KDM2A: variants seen among roughly 807,000 people sequenced by gnomAD.
The protein encoded by KDM2A is lysine-specific demethylase 2A.
In KDM2A, 3 loss-of-function variants were observed where a neutral mutation model predicts 137.3. That is an observed-to-expected ratio of 0.02 (90% CI 0.01 to 0.06). KDM2A has a LOEUF of 0.06. Among genes scored for constraint, KDM2A ranks in the 10% least tolerant of loss-of-function variants. The pLI, the probability that KDM2A is intolerant of heterozygous loss-of-function variation, is 1.00. For missense variants in KDM2A, 738 were observed against 1,510.6 expected (o/e 0.49, Z 8.48); for synonymous variants, 512 against 541.5 (o/e 0.95, Z 0.76).
At chr11:67,159,393 A>G (rs1856587848) in intron 2 of KDM2A, among the ~76,000 whole-genome samples, 1 of 152,054 alleles carries the variant, frequency 6.6e-6, no homozygotes, top group Admixed American at 6.6e-5. Context: ...TTCTCATTGT[A>G]TAGATTAATT....
intron 5 of KDM2A, among the ~76,000 whole-genome samples, chr11:67,189,452 A>G (rs1234735767): frequency 2.0e-5 from 3 of 152,226 alleles, no homozygotes; most frequent in Admixed American, 6.5e-5. Flanking sequence ...CACTGATTGC[A>G]GTAGCATGTG....
At chr11:67,234,644 A>G (rs553160156) in intron 12 of KDM2A, among the ~76,000 whole-genome samples, 1 of 152,336 alleles carries the variant, frequency 6.6e-6, no homozygotes, top group Admixed American at 6.5e-5. Flanking sequence ...AGACGCAGGC[A>G]GATCTCTTGA....
At chr11:67,200,255 G>A (rs1335823568) in intron 5 of KDM2A, among the ~76,000 whole-genome samples, 1 of 151,292 alleles carries the variant, frequency 6.6e-6, no homozygotes, top group Non-Finnish European at 1.5e-5. Flanking sequence ...TCTCTCTGTT[G>A]CCCAGGCTGG....
intron 11 of KDM2A, 24 bp downstream of exon 11, chr11:67,228,187 T>G: frequency 6.2e-7 from 1 of 1,611,916 alleles, no homozygotes; most frequent in Non-Finnish European, 8.5e-7. Context: ...CTATAGGAGC[T>G]TTGAAGACAC....
chr11:67,147,550 A>T (rs928098271), intron 2 of KDM2A, among the ~76,000 whole-genome samples: 5 of 151,810 alleles, frequency 3.3e-5, no homozygotes, highest in Non-Finnish European at 7.4e-5. Flanking sequence ...TTAAAAAAAA[A>T]AAAAAGATGC....
chr11:67,141,603 C>G (rs1471782996), intron 2 of KDM2A, among the ~76,000 whole-genome samples: 2 of 139,820 alleles, frequency 1.4e-5, no homozygotes, highest in South Asian at 4.4e-4. Context: ...GGAGGCAGAG[C>G]TTGCAGTGAG....
At chr11:67,242,591 T>G (rs1565421546) in intron 12 of KDM2A, among the ~76,000 whole-genome samples, 1 of 152,230 alleles carries the variant, frequency 6.6e-6, no homozygotes, top group Non-Finnish European at 1.5e-5. Flanking sequence ...GTTAGTTGTT[T>G]CAGTGTGTTA....
chr11:67,206,801 A>G lies in KDM2A; in HGVS notation c.308-709A>G, dbSNP rs140984427. On this transcript the variant is annotated intron_variant, in intron 5 of 20. Transcript: ENST00000529006. ...AAGCTATTGTTTTCTCTCCACTACT[A>G]TTTTATGCTGACTCTTGTGGCCTTA... Among the ~76,000 whole-genome samples the G allele has an allele frequency of 7.5e-4, 114 of 152,288 alleles. 1 individual carries two copies. Among genetic ancestry groups the G allele is most frequent in the South Asian group, 6.2e-3 (30 of 4,830 alleles).
chr11:67,121,812 A>C (rs1321764584), intron 2 of KDM2A, among the ~76,000 whole-genome samples: 2 of 152,216 alleles, frequency 1.3e-5, no homozygotes, highest in East Asian at 1.9e-4. Flanking sequence ...ATTTTCTTTT[A>C]TTTTATAAAT....
At chr11:67,168,816 ATATGT>A (rs1406540974) in intron 2 of KDM2A, among the ~76,000 whole-genome samples, 1 of 152,148 alleles carries the variant, frequency 6.6e-6, no homozygotes, top group Non-Finnish European at 1.5e-5. Flanking sequence ...GTATGCATTC[ATATGT>A]TGTGGGAGAG....
At chr11:67,123,983 G>A (rs536392650) in intron 2 of KDM2A, among the ~76,000 whole-genome samples, 2 of 151,140 alleles carry the variant, frequency 1.3e-5, no homozygotes, top group South Asian at 4.2e-4. Flanking sequence ...GGACTTTTGG[G>A]TTTTGTTGTT....
chr11:67,144,464 C>G (rs1856197281), intron 2 of KDM2A, among the ~76,000 whole-genome samples: 1 of 151,878 alleles, frequency 6.6e-6, no homozygotes, highest in African/African-American at 2.4e-5. Flanking sequence ...GTTGGTCAGG[C>G]TGGTCTTGAA....
At position 67,254,802 on chromosome 11, in the gene KDM2A, G is replaced by T. The variant is rs1025377756; in HGVS notation, c.3308-72G>T. The T allele has an allele frequency of 2.2e-6, 3 of 1,383,024 alleles. No individual in the cohort carries two copies. Among genetic ancestry groups the T allele is most frequent in the Non-Finnish European group, 3.0e-6 (3 of 987,038 alleles). 85.7% of individuals were successfully genotyped at this position (1,383,024 alleles called of 1,614,324 possible). ...TGTTTAGCATTTTGAAGGAAAGACG[G>T]CTACAGGAATTGAATGGCAGAGGAA... On this transcript the variant is annotated intron_variant, in intron 20 of 20. Transcript: ENST00000529006. The surrounding 1 kb of genome is among the most constrained non-coding windows in gnomAD (Gnocchi z 4.7).
At chr11:67,247,930 C>G (rs1859299634) in intron 15 of KDM2A, among the ~76,000 whole-genome samples, 1 of 152,200 alleles carries the variant, frequency 6.6e-6, no homozygotes, top group African/African-American at 2.4e-5. Flanking sequence ...ATCTTCACCA[C>G]AACCCTATAA....
chr11:67,138,829 G>A (rs1036929056), intron 2 of KDM2A, among the ~76,000 whole-genome samples: 3 of 152,124 alleles, frequency 2.0e-5, no homozygotes, highest in African/African-American at 7.2e-5. Flanking sequence ...TAGTTCTCCA[G>A]GTGATTCTGA....
intron 2 of KDM2A, among the ~76,000 whole-genome samples, chr11:67,171,217 T>G (rs1856876102): frequency 6.6e-6 from 1 of 152,160 alleles, no homozygotes; most frequent in African/African-American, 2.4e-5. Context: ...GAGAGGAAGA[T>G]GTGGAAAGCC....
chr11:67,215,018 TAAAAC>T (rs1052722198), intron 6 of KDM2A, among the ~76,000 whole-genome samples: 18 of 152,270 alleles, frequency 1.2e-4, no homozygotes, highest in African/African-American at 3.6e-4. Context: ...GATTAAAAAA[TAAAAC>T]AAATTATATA....
chr11:67,255,837 A>G lies in KDM2A; in HGVS notation c.*782A>G, dbSNP rs932428349. ...TTGCTACCCAAGTGGATTCTGAGACAGGCACCATCTCCTTGTTCCCCCTCT... is the reference window on the plus strand; with the variant it reads ...TTGCTACCCAAGTGGATTCTGAGACGGGCACCATCTCCTTGTTCCCCCTCT... On this transcript the variant is annotated 3_prime_UTR_variant, in exon 21 of 21. Transcript: ENST00000529006. The G allele has an allele frequency of 2.2e-5, 6 of 278,632 alleles. No individual in the cohort carries two copies. The highest frequency in any genetic ancestry group is 7.2e-6 in the Non-Finnish European group (1 of 138,824). The allele number at this position is 278,632 out of a possible 1,614,324, so 17.3% of individuals were successfully genotyped here. A position where few individuals can be genotyped will look rare whatever the true frequency, so the allele number is the denominator to read the frequency against.
chr11:67,198,989 G>T (rs1857553890), intron 5 of KDM2A, among the ~76,000 whole-genome samples: 1 of 152,018 alleles, frequency 6.6e-6, no homozygotes, highest in Non-Finnish European at 1.5e-5. Context: ...ATGTTGGCCA[G>T]GGTGATCTTA....
Sources: allele counts gnomAD v4.1 joint callset (sites outside exome capture counted in the v4.1 genomes callset), GRCh38; gene constraint gnomAD v4.1.1; non-coding constraint Gnocchi (gnomAD v3.1); transcripts MANE v1.5; gene names NCBI Gene and HGNC (gene_info 2026-07-23, HGNC 2026-07-21).